The following NREP variants were observed in gnomAD, a reference collection of about 807,000 sequenced individuals.
The protein encoded by NREP is neuronal regeneration related protein.
A neutral mutation model predicts 8.6 loss-of-function variants in NREP; 5 were observed. The ratio of observed to expected loss-of-function variants is 0.58; its 90% CI spans 0.30 to 1.22. The LOEUF (loss-of-function observed/expected upper bound fraction) is 1.22. NREP is among the 50% of genes most tolerant of loss of function. The probability of loss-of-function intolerance (pLI) is 0.07; values close to 1 mark genes in which losing one functional copy is unlikely to be tolerated. For synonymous variants in NREP, 27 were observed against 28.0 expected (o/e 0.96, Z 0.11); for missense variants, 86 against 82.5 (o/e 1.04, Z -0.17).
intron 2 of NREP, among the ~76,000 whole-genome samples, chr5:111,853,637 A>G (rs1444508159): frequency 1.3e-5 from 2 of 152,102 alleles, no homozygotes; most frequent in Non-Finnish European, 2.9e-5. Flanking sequence ...TATTATTACT[A>G]TTCCTTCCTA....
intron 2 of NREP, among the ~76,000 whole-genome samples, chr5:111,869,676 A>C (rs1212993745): frequency 6.6e-6 from 1 of 152,188 alleles, no homozygotes; most frequent in Non-Finnish European, 1.5e-5. Context: ...TCTCCTGAGG[A>C]GAAGCAATGG....
At chr5:111,756,312 A>AAAAC (rs1561651771) in intron 1 of NREP, 2 of 99,466 alleles carry the variant, frequency 2.0e-5, no homozygotes, top group Non-Finnish European at 3.2e-5. Flanking sequence ...AAAAAAAAAA[A>AAAAC]CCCTACACGG....
intron 2 of NREP, among the ~76,000 whole-genome samples, chr5:111,934,111 C>T (rs1420630415): frequency 6.6e-6 from 1 of 152,022 alleles, no homozygotes; most frequent in Non-Finnish European, 1.5e-5. Context: ...GCAGGGTCTA[C>T]GTGGCTTGCT....
chr5:111,812,122 T>TA (rs1303122263), intron 2 of NREP, among the ~76,000 whole-genome samples: 1 of 151,930 alleles, frequency 6.6e-6, no homozygotes, highest in Non-Finnish European at 1.5e-5. Context: ...ATCCCATCTC[T>TA]AAAAAAATAC....
Position 111,862,167 on chromosome 5 carries a change from A to G in NREP, c.135+113107T>C, listed in dbSNP as rs374149586. ...AATTATGTTTGGCAAGATGTCTACA[A>G]TTTTAGACAAGAATTAAAACTCCCT... is the stretch of plus-strand genomic sequence containing the variant. On this transcript the variant is annotated intron_variant, in intron 2 of 3. Transcript: ENST00000395634. 1.5e-4 allele frequency among the ~76,000 whole-genome samples: 23 copies of G among 152,298 alleles called. No homozygotes were observed. The East Asian group carries it at 1.5e-3, about 10-fold the overall frequency.
At chr5:111,948,993 A>C (rs553790952) in intron 2 of NREP, 17 of 152,190 alleles carry the variant, frequency 1.1e-4, no homozygotes, top group Admixed American at 9.8e-4. Flanking sequence ...AAAACAATGA[A>C]ACCATGGAAC....
At chr5:111,955,922 T>C (rs960284736) in intron 2 of NREP, among the ~76,000 whole-genome samples, 2 of 149,530 alleles carry the variant, frequency 1.3e-5, no homozygotes, top group Admixed American at 6.7e-5. Context: ...AACAAAAACG[T>C]TGGGCTTCCT....
At chr5:111,780,245 T>A (rs560662338) in intron 2 of NREP, among the ~76,000 whole-genome samples, 2 of 152,332 alleles carry the variant, frequency 1.3e-5, no homozygotes, top group South Asian at 4.1e-4. Flanking sequence ...TTTAGCAGAA[T>A]ACATTAGTGG....
chr5:111,940,041 A>C (rs368296303), intron 2 of NREP: 16 of 152,216 alleles, frequency 1.1e-4, no homozygotes, highest in East Asian at 9.7e-4. Flanking sequence ...TTACAGATTT[A>C]CAGTGAAGAA....
At chr5:111,975,221 A>G (rs1756928281) in intron 2 of NREP, 2 of 1,340,688 alleles carry the variant, frequency 1.5e-6, no homozygotes, top group African/African-American at 2.9e-5. Flanking sequence ...ATGGAAACCC[A>G]ACTTGAACTA....
rs190272672 is a variant in NREP, at chr5:111,811,218, T to C, written c.136-75711A>G. 2.4e-3 allele frequency among the ~76,000 whole-genome samples: 372 copies of C among 152,334 alleles called. 1 individual carries two copies. Among genetic ancestry groups the C allele is most frequent in the African/African-American group, 8.2e-3 (340 of 41,566 alleles). On this transcript the variant is annotated intron_variant, in intron 2 of 3. Transcript: ENST00000395634. Reference sequence around the variant, plus strand: ...CTCTTTGTTCCTCTGTCCTTTCTACTGTTCTGCAAGACCCAGTCTCTGATG... The same window carrying C: ...CTCTTTGTTCCTCTGTCCTTTCTACCGTTCTGCAAGACCCAGTCTCTGATG...
chr5:111,826,046 C>T (rs918600936), intron 2 of NREP, among the ~76,000 whole-genome samples: 5 of 151,866 alleles, frequency 3.3e-5, no homozygotes, highest in African/African-American at 4.8e-5. Flanking sequence ...CTCCGCCTAC[C>T]GTGTTCAAGC....
intron 2 of NREP, among the ~76,000 whole-genome samples, chr5:111,900,932 A>C (rs1754631542): frequency 6.6e-6 from 1 of 152,220 alleles, no homozygotes. Flanking sequence ...TCCTGACACC[A>C]AAACCAGACT....
chr5:111,800,742 A>G (rs1222149899), intron 2 of NREP, among the ~76,000 whole-genome samples: 2 of 152,230 alleles, frequency 1.3e-5, no homozygotes, highest in Admixed American at 1.3e-4. Context: ...ATTATTGAAT[A>G]AGCACTCAAT....
chr5:111,818,468 A>G (rs1362135428), intron 2 of NREP, among the ~76,000 whole-genome samples: 1 of 152,192 alleles, frequency 6.6e-6, no homozygotes, highest in African/African-American at 2.4e-5. Context: ...TAATCAATAT[A>G]AAGCCTTTTT....
At chr5:111,931,739 A>C (rs192828965) in intron 2 of NREP, among the ~76,000 whole-genome samples, 16 of 152,254 alleles carry the variant, frequency 1.1e-4, no homozygotes, top group African/African-American at 3.6e-4. Flanking sequence ...TAATTGATAA[A>C]ATGTTCTAAA....
chr5:111,770,178 T>C (rs985540597), intron 2 of NREP, among the ~76,000 whole-genome samples: 1 of 152,340 alleles, frequency 6.6e-6, no homozygotes, highest in Admixed American at 6.5e-5. Flanking sequence ...TATTTTTCAA[T>C]TTTTATAACC....
intron 2 of NREP, among the ~76,000 whole-genome samples, chr5:111,820,712 C>T (rs1174576995): frequency 6.6e-6 from 1 of 151,796 alleles, no homozygotes; most frequent in African/African-American, 2.4e-5. Context: ...ATCTGTCTGC[C>T]TTTATGGTTT....
intron 2 of NREP, among the ~76,000 whole-genome samples, chr5:111,767,876 G>A (rs1165848799): frequency 6.6e-6 from 1 of 151,968 alleles, no homozygotes; most frequent in Non-Finnish European, 1.5e-5. Context: ...TTTTCTCTGG[G>A]CTGGTCTCAA....
Sources: allele counts gnomAD v4.1 joint callset (sites outside exome capture counted in the v4.1 genomes callset), GRCh38; gene constraint gnomAD v4.1.1; transcripts MANE v1.5; gene names NCBI Gene and HGNC (gene_info 2026-07-23, HGNC 2026-07-21).